Variants in GCNT2 observed in about 807,000 individuals in gnomAD.
GCNT2 encodes glucosaminyl (N-acetyl) transferase 2 (I blood group).
A neutral mutation model predicts 34.2 loss-of-function variants in GCNT2; 34 were observed. That is an observed-to-expected ratio of 1.00 (90% CI 0.76 to 1.32). GCNT2 has a LOEUF of 1.32. Ranked by LOEUF, GCNT2 falls within the 40% of genes most tolerant of loss-of-function variation. The probability of loss-of-function intolerance (pLI) is 0.00; values close to 1 mark genes in which losing one functional copy is unlikely to be tolerated. For missense variants in GCNT2, 584 were observed against 489.4 expected (o/e 1.19, Z -1.82); for synonymous variants, 212 against 188.0 (o/e 1.13, Z -1.04).
intron 3 of GCNT2, among the ~76,000 whole-genome samples, chr6:10,573,911 C>T (rs1265459812): frequency 2.0e-5 from 3 of 152,188 alleles, no homozygotes; most frequent in Non-Finnish European, 4.4e-5. Flanking sequence ...GCAGAAGCAC[C>T]CCTGCACACA....
intron 3 of GCNT2, chr6:10,574,691 T>C (rs1763715145): frequency 2.7e-6 from 1 of 364,712 alleles, no homozygotes; most frequent in South Asian, 2.9e-5. Flanking sequence ...AGAATGTTTT[T>C]TGTTTGTTTG....
chr6:10,617,413 G>A (rs1765827545), intron 3 of GCNT2, among the ~76,000 whole-genome samples: 1 of 152,200 alleles, frequency 6.6e-6, no homozygotes. Context: ...ACACCTCCCA[G>A]CAAGCTGAGG....
At chr6:10,589,783 A>G (rs1764552862) in intron 3 of GCNT2, among the ~76,000 whole-genome samples, 1 of 152,214 alleles carries the variant, frequency 6.6e-6, no homozygotes, top group Admixed American at 6.5e-5. Context: ...AGAACATTAC[A>G]TATGGACTTT....
At chr6:10,556,995 A>C (rs757132008) in intron 3 of GCNT2, 14 of 1,613,718 alleles carry the variant, frequency 8.7e-6, no homozygotes, top group Non-Finnish European at 1.1e-5. Context: ...ACCTGTGGGC[A>C]AGACTTCCCC....
intron 3 of GCNT2, among the ~76,000 whole-genome samples, chr6:10,566,608 G>T (rs1000337420): frequency 1.3e-5 from 2 of 152,320 alleles, no homozygotes; most frequent in African/African-American, 4.8e-5. Flanking sequence ...CAGTTTTGCA[G>T]TGCTGTGTTG....
chr6:10,593,482 T>A (rs1169842798), intron 3 of GCNT2, among the ~76,000 whole-genome samples: 1 of 152,060 alleles, frequency 6.6e-6, no homozygotes, highest in Non-Finnish European at 1.5e-5. Context: ...GGACTACAGG[T>A]ATGCACCACT....
intron 3 of GCNT2, among the ~76,000 whole-genome samples, chr6:10,559,158 G>A (rs950348946): frequency 6.6e-6 from 1 of 150,778 alleles, no homozygotes; most frequent in Non-Finnish European, 1.5e-5. Flanking sequence ...AGCCTGGTCA[G>A]TTTTATCAAT....
intron 1 of GCNT2, among the ~76,000 whole-genome samples, chr6:10,523,922 G>A (rs1302329837): frequency 2.8e-5 from 4 of 141,872 alleles, no homozygotes; most frequent in African/African-American, 5.2e-5. Flanking sequence ...GCAGTGAGCC[G>A]AGATCGCGCC....
chr6:10,563,775 A>ATATACATAT (rs1313695628), intron 3 of GCNT2, among the ~76,000 whole-genome samples: 1 of 30,444 alleles, frequency 3.3e-5, no homozygotes, highest in Non-Finnish European at 5.8e-5. Flanking sequence ...AAAAAAAAAA[A>ATATACATAT]AAATATATAT....
At chr6:10,576,465 G>A (rs975339381) in intron 3 of GCNT2, among the ~76,000 whole-genome samples, 7 of 152,168 alleles carry the variant, frequency 4.6e-5, no homozygotes, top group African/African-American at 7.2e-5. Context: ...CAGTTTGGTC[G>A]TAATCGTGAG....
chr6:10,534,267 C>T (rs575145494), intron 3 of GCNT2, among the ~76,000 whole-genome samples: 2 of 151,514 alleles, frequency 1.3e-5, no homozygotes, highest in African/African-American at 4.8e-5. Context: ...TCAGCCTCCG[C>T]AGCACCAGGG....
chr6:10,601,808 G>A (rs946606296), intron 3 of GCNT2, among the ~76,000 whole-genome samples: 1 of 151,998 alleles, frequency 6.6e-6, no homozygotes, highest in Non-Finnish European at 1.5e-5. Flanking sequence ...GGGCGTGGTG[G>A]CGGGTGCCTG....
chr6:10,542,141 A>G (rs66763625), intron 3 of GCNT2, among the ~76,000 whole-genome samples: 12,055 of 152,248 alleles, frequency 0.079, 607 homozygotes, highest in Middle Eastern at 0.16. Context: ...TAAAAAGAAA[A>G]AAGAAAAAAT....
At chr6:10,586,634 C>T (rs1268963445) in intron 3 of GCNT2, 1 of 1,614,102 alleles carries the variant, frequency 6.2e-7, no homozygotes, top group Admixed American at 1.7e-5. Context: ...GGAAAAATAT[C>T]ACCCCAGGGG....
chr6:10,617,159 G>T (rs922018141), intron 3 of GCNT2, among the ~76,000 whole-genome samples: 2 of 152,160 alleles, frequency 1.3e-5, no homozygotes, highest in African/African-American at 2.4e-5. Flanking sequence ...ATGGCGGTCG[G>T]GGGGAGGCTC....
intron 3 of GCNT2, among the ~76,000 whole-genome samples, chr6:10,568,398 T>G (rs1357369858): frequency 6.6e-6 from 1 of 151,516 alleles, no homozygotes; most frequent in Non-Finnish European, 1.5e-5. Flanking sequence ...TCTGTGAGAG[T>G]TTTCTAGCAA....
intron 3 of GCNT2, among the ~76,000 whole-genome samples, chr6:10,537,557 C>G (rs184968777): frequency 6.6e-6 from 1 of 151,646 alleles, no homozygotes; most frequent in Admixed American, 6.6e-5. Flanking sequence ...AAAAATTAGC[C>G]GGGCGTGGTG....
chr6:10,547,750 A>G (rs1438466440), intron 3 of GCNT2, among the ~76,000 whole-genome samples: 1 of 152,230 alleles, frequency 6.6e-6, no homozygotes, highest in Admixed American at 6.5e-5. Context: ...TGAATTTTAA[A>G]TAAAATTCAT....
At chr6:10,572,938 TCCAAGCCCTCTGCCCTAACAAA>T (rs976709996) in intron 3 of GCNT2, among the ~76,000 whole-genome samples, 2 of 152,148 alleles carry the variant, frequency 1.3e-5, no homozygotes, top group Admixed American at 1.3e-4. Context: ...TTGGGATCTA[TCCAAGCCCTCTGCCCTAACAAA>T]CGGTCTAAAC....
Sources: gnomAD v4.1 joint callset for allele counts (sites outside exome capture counted in the v4.1 genomes callset) on GRCh38, gnomAD v4.1.1 for gene constraint, MANE v1.5 for transcripts, NCBI Gene and HGNC (gene_info 2026-07-23, HGNC 2026-07-21) for gene names.